MDGA1: variants seen among roughly 807,000 people sequenced by gnomAD.
MDGA1 encodes the protein MAM domain-containing glycosylphosphatidylinositol anchor protein 1.
In MDGA1, 54 loss-of-function variants were observed where a neutral mutation model predicts 101.5. The observed-to-expected ratio is 0.53, with a 90% confidence interval of 0.43 to 0.67. The LOEUF (loss-of-function observed/expected upper bound fraction) is 0.67. Ranked by LOEUF, MDGA1 falls within the 30% of genes least tolerant of loss-of-function variation. The pLI is 0.00. For missense variants in MDGA1, 1,083 were observed against 1,323.8 expected (o/e 0.82, Z 2.82); for synonymous variants, 533 against 558.3 (o/e 0.95, Z 0.64).
intron 1 of MDGA1, among the ~76,000 whole-genome samples, chr6:37,686,593 A>AT (rs1278988765): frequency 5.3e-5 from 8 of 151,742 alleles, no homozygotes; most frequent in Non-Finnish European, 8.8e-5. Flanking sequence ...CACCTGGCTA[A>AT]TTTTTTTATT....
At position 37,635,407 on chromosome 6, in the gene MDGA1, GGAACAATACCC is replaced by G; in HGVS notation, c.*1950_*1960del. 2.5e-6 allele frequency: 1 copy of G among 398,402 alleles called. No individual in the cohort carries two copies. The highest frequency in any genetic ancestry group is 4.4e-6 in the Non-Finnish European group (1 of 226,104). The allele number at this position is 398,402 out of a possible 1,614,324, so 24.7% of individuals were successfully genotyped here. On this transcript the variant is annotated 3_prime_UTR_variant, in exon 17 of 17. Coordinates refer to ENST00000434837, the MANE Select transcript of MDGA1 (RefSeq NM_153487.4). ...GACTCTGCACAGATGGGACAGTTAA[GGAACAATACCC>G]GACAGACGCGATGGAAGTGTATGCT...
Position 37,646,188 on chromosome 6 carries a change from T to A in MDGA1, c.2224+10A>T. On this transcript the variant is annotated intron_variant, in intron 11 of 16. Transcript: ENST00000434837. ...GGCCCATCCTTCCTACCGCCACCAC[T>A]GTCACCTACGCTCTGTGTAGTGGAT... The A allele has an allele frequency of 6.4e-7, 1 of 1,568,886 alleles. No homozygotes were observed. Among genetic ancestry groups the A allele is most frequent in the Non-Finnish European group, 8.7e-7 (1 of 1,153,504 alleles).
At chr6:37,681,329 C>A (rs973513735) in intron 1 of MDGA1, among the ~76,000 whole-genome samples, 6 of 152,258 alleles carry the variant, frequency 3.9e-5, no homozygotes, top group Middle Eastern at 3.4e-3. Context: ...CCCTGCCCCC[C>A]CTCTTCAGGT....
At chr6:37,677,119 G>A (rs575372584) in intron 1 of MDGA1, among the ~76,000 whole-genome samples, 5 of 152,234 alleles carry the variant, frequency 3.3e-5, no homozygotes, top group South Asian at 2.1e-4. Flanking sequence ...ATTAGGTGCC[G>A]AACGACCCAA....
chr6:37,679,226 G>T (rs1230714281), intron 1 of MDGA1, among the ~76,000 whole-genome samples: 2 of 152,072 alleles, frequency 1.3e-5, no homozygotes, highest in Non-Finnish European at 1.5e-5. Flanking sequence ...TTGAAATCGA[G>T]TAGGTGGGGG....
Position 37,655,163 on chromosome 6 carries a change from C to T in MDGA1, c.580-231G>A. The T allele has an allele frequency of 1.7e-6, 1 of 579,538 alleles. No individual in the cohort carries two copies. Among genetic ancestry groups the T allele is most frequent in the Non-Finnish European group, 3.0e-6 (1 of 329,534 alleles). The allele number at this position is 579,538 out of a possible 1,614,324, so 35.9% of individuals were successfully genotyped here. On this transcript the variant is annotated intron_variant, in intron 4 of 16. Transcript: ENST00000434837. This position sits in a 1 kb window ranked among gnomAD's most constrained non-coding sequence, Gnocchi z 5.1. ...ATGGGATTCTCTGGGTCTGAGGTTG[C>T]CCTTGTGCACACTGGCAAGTACCAG...
intron 1 of MDGA1, among the ~76,000 whole-genome samples, chr6:37,684,926 A>C (rs1762165474): frequency 6.6e-6 from 1 of 152,148 alleles, no homozygotes; most frequent in African/African-American, 2.4e-5. Context: ...GAGGCCACTG[A>C]AATTCAATTC....
intron 1 of MDGA1, among the ~76,000 whole-genome samples, chr6:37,692,037 G>A (rs548768885): frequency 2.0e-5 from 3 of 152,242 alleles, no homozygotes; most frequent in Non-Finnish European, 4.4e-5. Flanking sequence ...GGGTGGGTAC[G>A]TGGGAGCTGG....
chr6:37,686,934 G>A (rs935862673), intron 1 of MDGA1, among the ~76,000 whole-genome samples: 1 of 152,062 alleles, frequency 6.6e-6, no homozygotes, highest in South Asian at 2.1e-4. Context: ...TGCTCCCTTG[G>A]GCCAACCCAT....
Position 37,637,101 on chromosome 6 carries a change from G to A in MDGA1, c.*267C>T, listed in dbSNP as rs1262412504. ...CTTTGCAGTAAAGAAGGTGCTGGCA[G>A]GTCAGATAGAAACTTGTGCTTTAAT... On this transcript the variant is annotated 3_prime_UTR_variant, in exon 17 of 17. Transcript: ENST00000434837. The A allele has an allele frequency of 2.7e-6, 1 of 377,342 alleles. No homozygotes were observed. The highest frequency in any genetic ancestry group is 4.8e-6 in the Non-Finnish European group (1 of 209,012). 23.4% of individuals were successfully genotyped at this position (377,342 alleles called of 1,614,324 possible).
At chr6:37,672,940 C>A (rs1385185035) in intron 1 of MDGA1, among the ~76,000 whole-genome samples, 1 of 150,960 alleles carries the variant, frequency 6.6e-6, no homozygotes, top group Admixed American at 6.6e-5. Context: ...TCTCAGGTCT[C>A]CCCCCACCCC....
At position 37,649,150 on chromosome 6, in the gene MDGA1, G is replaced by T. The variant is rs983588761; in HGVS notation, c.1726C>A (p.Arg576Ser). ...SPQRIASAVWRFKGQLLPPPP... is the reference protein window; with the variant it reads ...SPQRIASAVWSFKGQLLPPPP... ...GGCGGCAGCAGCTGCCCTTTGAAAC[G>T]CCACACAGCCGAGGCGATGCGCTGG... is the stretch of plus-strand genomic sequence containing the variant. Residue 576 changes from arginine to serine, a missense_variant, in exon 9 of 17, where the codon CGT (arginine) becomes AGT (serine). Coordinates refer to ENST00000434837, the MANE Select transcript of MDGA1 (RefSeq NM_153487.4). The T allele has an allele frequency of 6.6e-7, 1 of 1,507,092 alleles. No individual in the cohort carries two copies. The highest frequency in any genetic ancestry group is 8.8e-7 in the Non-Finnish European group (1 of 1,133,850). The allele number at this position is 1,507,092 out of a possible 1,614,324, so 93.4% of individuals were successfully genotyped here.
At chr6:37,641,659 T>C (rs3905220) in intron 14 of MDGA1, 2 of 152,364 alleles carry the variant, frequency 1.3e-5, no homozygotes, top group East Asian at 3.9e-4. Context: ...AAGGGCTAGC[T>C]TTATTCACCA....
In MDGA1 at chr6:37,654,488, C is replaced by A. The variant is rs1248574563; in HGVS notation, c.768G>T (p.Glu256Asp). ...VNETLVVNPGENVTVQCLLTG... is the reference protein window; with the variant it reads ...VNETLVVNPGDNVTVQCLLTG... ...TCAGCAGACACTGCACCGTCACATT[C>A]TCCCCAGGGTTCACCACCAGAGTTT... Residue 256 changes from glutamate (E) to aspartate (D), a missense_variant, in exon 6 of 17, where the codon GAG becomes GAT. Around this residue, in one of 3 missense-constraint regions of MDGA1, gnomAD observed 310 missense variants for 355.9 expected, o/e 0.87. Transcript: ENST00000434837. 3 of 1,613,918 alleles carry A rather than the reference C, an allele frequency of 1.9e-6. No individual in the cohort carries two copies. Among genetic ancestry groups the A allele is most frequent in the East Asian group, 4.5e-5 (2 of 44,890 alleles).
chr6:37,643,438 A>T (rs193162704), intron 14 of MDGA1: 1,838 of 179,098 alleles, frequency 0.01, 18 homozygotes, highest in South Asian at 0.046. Flanking sequence ...ACACCCAGCT[A>T]ATTTTGTATT....
Position 37,638,181 on chromosome 6 carries a change from C to T in MDGA1, c.2776+24G>A, listed in dbSNP as rs766592640. 4.4e-6 allele frequency: 7 copies of T among 1,599,996 alleles called. No homozygotes were observed. Among genetic ancestry groups the T allele is most frequent in the African/African-American group, 1.3e-5 (1 of 74,612 alleles). ...GCACAGCTCCCTCCAGATTCAGCTC[C>T]CCCACCTCCTTCCCGTCTTGCACCT... On this transcript the variant is annotated intron_variant, in intron 16 of 16. Coordinates refer to ENST00000434837, the MANE Select transcript of MDGA1 (RefSeq NM_153487.4). The surrounding 1 kb of genome is among the most constrained non-coding windows in gnomAD (Gnocchi z 4.8).
chr6:37,675,509 G>A (rs564502597), intron 1 of MDGA1, among the ~76,000 whole-genome samples: 3 of 152,270 alleles, frequency 2.0e-5, no homozygotes, highest in East Asian at 1.9e-4. Context: ...ATGTGAAACC[G>A]AATGAGGTCT....
At position 37,664,078 on chromosome 6, in the gene MDGA1, C is replaced by G; in HGVS notation, c.96G>C (p.Ala32=). ...YAPAQAQIVH[A]GQACVVKEDN... is the part of the protein sequence containing the mutation. ...CCTCTTTCACCACACATGCCTGGCC[C>G]GCATGCACGATCTGCGCCTGGGCTG... Residue 32 remains alanine (A), a synonymous_variant, in exon 2 of 17, where the codon GCG becomes GCC. Transcript: ENST00000434837. 1 of 1,613,894 alleles carries G rather than the reference C, an allele frequency of 6.2e-7. No homozygotes were observed. Among genetic ancestry groups the G allele is most frequent in the South Asian group, 1.1e-5 (1 of 91,078 alleles).
At chr6:37,695,843 A>G (rs1211821023) in intron 1 of MDGA1, among the ~76,000 whole-genome samples, 1 of 152,142 alleles carries the variant, frequency 6.6e-6, no homozygotes, top group Non-Finnish European at 1.5e-5. Flanking sequence ...CCTGAGAATG[A>G]TTTTTTGTGC....
Sources: gnomAD v4.1 joint callset for allele counts (sites outside exome capture counted in the v4.1 genomes callset) on GRCh38, gnomAD v4.1.1 for gene constraint, gnomAD v4.1.1 regional missense constraint, Gnocchi (gnomAD v3.1) non-coding constraint, MANE v1.5 for transcripts, NCBI Gene and HGNC (gene_info 2026-07-23, HGNC 2026-07-21) for gene names.